The following SLC8A1 variants were observed in gnomAD, a reference collection of about 807,000 sequenced individuals.
The protein encoded by SLC8A1 is solute carrier family 8 member A1, also known as sodium/calcium exchanger 1.
In SLC8A1, 18 loss-of-function variants were observed where a neutral mutation model predicts 68.3. The ratio of observed to expected loss-of-function variants is 0.26; its 90% CI spans 0.18 to 0.39. The LOEUF is 0.39. SLC8A1 is among the 10% of genes least tolerant of loss of function. The probability of loss-of-function intolerance (pLI) is 1.00; values close to 1 mark genes in which losing one functional copy is unlikely to be tolerated. For missense variants in SLC8A1, 985 were observed against 1,156.7 expected, an observed-to-expected ratio of 0.85 and a Z score of 2.15; for synonymous variants, 475 against 415.5, an observed-to-expected ratio of 1.14 and a Z score of -1.74.
At chr2:40,366,308 G>A (rs774474308) in intron 2 of SLC8A1, among the ~76,000 whole-genome samples, 1 of 151,990 alleles carries the variant, frequency 6.6e-6, no homozygotes, top group African/African-American at 2.4e-5. Flanking sequence ...CTGACACATG[G>A]TAGTCACAAA....
chr2:40,363,233 T>A (rs1039522771), intron 2 of SLC8A1, among the ~76,000 whole-genome samples: 3 of 152,166 alleles, frequency 2.0e-5, no homozygotes, highest in African/African-American at 7.2e-5. Flanking sequence ...TTTATTTTTT[T>A]AATTTAAAGT....
chr2:40,298,270 A>G (rs2070791593), intron 2 of SLC8A1, among the ~76,000 whole-genome samples: 1 of 152,188 alleles, frequency 6.6e-6, no homozygotes, highest in Non-Finnish European at 1.5e-5. Flanking sequence ...ATCAAACACA[A>G]ATTGGCTACT....
chr2:40,260,206 T>G (rs1244654117), intron 2 of SLC8A1, among the ~76,000 whole-genome samples: 1 of 152,168 alleles, frequency 6.6e-6, no homozygotes, highest in East Asian at 1.9e-4. Context: ...AATAGACAAA[T>G]GTGAATTATC....
At chr2:40,303,468 G>C (rs915804101) in intron 2 of SLC8A1, among the ~76,000 whole-genome samples, 4 of 152,128 alleles carry the variant, frequency 2.6e-5, no homozygotes, top group African/African-American at 9.7e-5. Context: ...CTGAGTTCTG[G>C]CAAGTACAGC....
At chr2:40,507,903 G>A (rs1706468726) in intron 1 of SLC8A1, among the ~76,000 whole-genome samples, 1 of 152,026 alleles carries the variant, frequency 6.6e-6, no homozygotes. Flanking sequence ...TCTGAATCTA[G>A]AACTCAGGAT....
chr2:40,260,847 C>T (rs2064604983), intron 2 of SLC8A1, among the ~76,000 whole-genome samples: 1 of 151,728 alleles, frequency 6.6e-6, no homozygotes, highest in Non-Finnish European at 1.5e-5. Context: ...TTTTCCCTTC[C>T]TCATAGTCCG....
intron 6 of SLC8A1, among the ~76,000 whole-genome samples, chr2:40,150,235 C>T (rs752383929): frequency 5.3e-5 from 8 of 152,040 alleles, no homozygotes; most frequent in Admixed American, 1.3e-4. Flanking sequence ...GGTTGGTTCA[C>T]GCGAGTGGCT....
At chr2:40,416,780 G>A (rs146234283) in intron 2 of SLC8A1, among the ~76,000 whole-genome samples, 1 of 151,984 alleles carries the variant, frequency 6.6e-6, no homozygotes, top group East Asian at 2.0e-4. Context: ...TCTGTCTCCT[G>A]GATTATATTC....
At chr2:40,370,952 T>G (rs777496387) in intron 2 of SLC8A1, among the ~76,000 whole-genome samples, 21 of 152,214 alleles carry the variant, frequency 1.4e-4, no homozygotes, top group Non-Finnish European at 2.2e-4. Flanking sequence ...TAGTTGCTAT[T>G]TGAAGGTACC....
chr2:40,396,579 C>G (rs374705506), intron 2 of SLC8A1, among the ~76,000 whole-genome samples: 2 of 151,546 alleles, frequency 1.3e-5, no homozygotes, highest in Non-Finnish European at 2.9e-5. Flanking sequence ...TGTACATAAC[C>G]TGGAAAAACT....
intron 2 of SLC8A1, chr2:40,254,723 C>T (rs2063603241): frequency 6.6e-6 from 1 of 152,186 alleles, no homozygotes; most frequent in Non-Finnish European, 1.5e-5. Flanking sequence ...ATCAGATCCA[C>T]CAAACTGTCT....
At chr2:40,497,864 T>C (rs1045764186) in intron 1 of SLC8A1, among the ~76,000 whole-genome samples, 3 of 152,078 alleles carry the variant, frequency 2.0e-5, no homozygotes, top group African/African-American at 7.2e-5. Flanking sequence ...TTGATAAAAC[T>C]TGTGTTTTAG....
rs140127397 is a variant in SLC8A1, at chr2:40,374,321, G to A, written c.1808+54152C>T. Among the ~76,000 whole-genome samples the A allele has an allele frequency of 5.4e-3, 817 of 151,784 alleles. 5 individuals are homozygous for A. The highest frequency in any genetic ancestry group is 0.019 in the African/African-American group (768 of 41,412). ...GAGCCCAGGAGTTCCAGACCAGCCC[G>A]GGAAATATGGGGAGACCCTGTCTCT... On this transcript the variant is annotated intron_variant, in intron 2 of 7. Coordinates refer to ENST00000406785, the Ensembl canonical transcript of SLC8A1.
At chr2:40,483,719 C>A (rs1442494689) in intron 1 of SLC8A1, among the ~76,000 whole-genome samples, 1 of 152,294 alleles carries the variant, frequency 6.6e-6, no homozygotes, top group East Asian at 1.9e-4. Flanking sequence ...AGATGGCTGA[C>A]GTACTTCCTT....
intron 1 of SLC8A1, among the ~76,000 whole-genome samples, chr2:40,442,808 C>T (rs572255948): frequency 5.3e-5 from 8 of 152,170 alleles, no homozygotes; most frequent in African/African-American, 1.7e-4. Context: ...TGTACACATA[C>T]GTGTATTGCA....
chr2:40,369,042 A>G (rs768302295), intron 2 of SLC8A1, among the ~76,000 whole-genome samples: 5 of 152,110 alleles, frequency 3.3e-5, no homozygotes, highest in Non-Finnish European at 5.9e-5. Context: ...CTAACTCAAG[A>G]TGGATTAAAG....
intron 6 of SLC8A1, among the ~76,000 whole-genome samples, chr2:40,151,595 CA>C (rs1350747631): frequency 1.3e-5 from 2 of 151,656 alleles, no homozygotes; most frequent in Non-Finnish European, 2.9e-5. Context: ...AAAAATAGGA[CA>C]AAAAATGTCT....
intron 1 of SLC8A1, among the ~76,000 whole-genome samples, chr2:40,467,744 G>GT: frequency 6.6e-6 from 1 of 152,016 alleles, no homozygotes; most frequent in Non-Finnish European, 1.5e-5. Context: ...AACAATGGTG[G>GT]TTTTCTGTAA....
intron 2 of SLC8A1, among the ~76,000 whole-genome samples, chr2:40,234,446 TTTTGTA>T (rs2060095439): frequency 6.6e-6 from 1 of 152,176 alleles, no homozygotes; most frequent in Non-Finnish European, 1.5e-5. Context: ...GGTACATTGA[TTTTGTA>T]TCCTGAGACT....
Sources: allele counts gnomAD v4.1 joint callset (sites outside exome capture counted in the v4.1 genomes callset), GRCh38; gene constraint gnomAD v4.1.1; transcripts MANE v1.5; gene names NCBI Gene and HGNC (gene_info 2026-07-23, HGNC 2026-07-21).